KCNQ2: variants seen among roughly 807,000 people sequenced by gnomAD.
The protein encoded by KCNQ2 is potassium voltage-gated channel subfamily Q member 2, also known as potassium voltage-gated channel subfamily KQT member 2.
KCNQ2 carries 14 observed loss-of-function variants against 84.8 expected under a neutral mutation model. That is an observed-to-expected ratio of 0.17 (90% CI 0.11 to 0.26). The LOEUF is 0.26. Ranked by LOEUF, KCNQ2 falls within the 10% of genes least tolerant of loss-of-function variation. The pLI is 1.00. For missense variants in KCNQ2, 788 were observed against 1,254.0 expected, an observed-to-expected ratio of 0.63 and a Z score of 5.61; for synonymous variants, 599 against 554.1, an observed-to-expected ratio of 1.08 and a Z score of -1.14.
chr20:63,438,794 T>TG lies in KCNQ2; in HGVS notation c.928-75dup. The TG allele has an allele frequency of 7.5e-7, 1 of 1,339,430 alleles. No homozygotes were observed. Among genetic ancestry groups the TG allele is most frequent in the Non-Finnish European group, 1.0e-6 (1 of 957,852 alleles). The allele number at this position is 1,339,430 out of a possible 1,614,324, so 83.0% of individuals were successfully genotyped here. A position where few individuals can be genotyped will look rare whatever the true frequency, so the allele number is the denominator to read the frequency against. The stretch of plus-strand genomic sequence containing the variant: ...AATTCATCAGGGTCAGACCATGCTC[T>TG]GGGGCCCCACACCCCCCCCAATTCA... On this transcript the variant is annotated intron_variant, in intron 6 of 16. Transcript: ENST00000359125. The surrounding 1 kb of genome is among the most constrained non-coding windows in gnomAD (Gnocchi z 5.1).
chr20:63,415,570 G>A (rs369424043), intron 12 of KCNQ2, among the ~76,000 whole-genome samples: 3 of 151,934 alleles, frequency 2.0e-5, no homozygotes, highest in Non-Finnish European at 4.4e-5. Context: ...AGGGAGGGGA[G>A]GCTGGGTGGG....
rs527558456 is a variant in KCNQ2 at position 63,446,380 on chromosome 20, C to G, written c.387+367G>C. Among the ~76,000 whole-genome samples the G allele has an allele frequency of 7.2e-5, 11 of 152,336 alleles. No individual in the cohort carries two copies. Among genetic ancestry groups the G allele is most frequent in the Admixed American group, 2.0e-4 (3 of 15,310 alleles). Reference sequence around the variant, plus strand: ...ACAGGGTTGCTGCAAGCGTCACAGCCCCCACCCCGACGCCCACGTCTGCCG... The same window carrying G: ...ACAGGGTTGCTGCAAGCGTCACAGCGCCCACCCCGACGCCCACGTCTGCCG... On this transcript the variant is annotated intron_variant, in intron 2 of 16. Coordinates refer to ENST00000359125, the MANE Select transcript of KCNQ2 (RefSeq NM_172107.4). This position sits in a 1 kb window ranked among gnomAD's most constrained non-coding sequence, Gnocchi z 5.5.
At chr20:63,442,645 AACCATC>A (rs2081201009) in intron 4 of KCNQ2, 114 bp from the exon 5 acceptor site, 1 of 550,058 alleles carries the variant, frequency 1.8e-6, no homozygotes, top group Non-Finnish European at 2.7e-6. Flanking sequence ...CCACCACCAA[AACCATC>A]ACCACCACCA....
chr20:63,408,118 C>G lies in KCNQ2; in HGVS notation c.1887+295G>C. On this transcript the variant is annotated intron_variant, in intron 16 of 16. Coordinates refer to ENST00000359125, the MANE Select transcript of KCNQ2 (RefSeq NM_172107.4). The surrounding 1 kb of genome is among the most constrained non-coding windows in gnomAD (Gnocchi z 5.0). Reference sequence around the variant, plus strand: ...GGCCAGGCAGGTACAACTTCCGGCACGTTCCACAAGGAACCCCTGAGGGAT... The same window carrying G: ...GGCCAGGCAGGTACAACTTCCGGCAGGTTCCACAAGGAACCCCTGAGGGAT... The G allele has an allele frequency of 2.3e-6, 1 of 434,404 alleles. No individual in the cohort carries two copies. The highest frequency in any genetic ancestry group is 2.3e-5 in the South Asian group (1 of 42,924). The allele number at this position is 434,404 out of a possible 1,614,324, so 26.9% of individuals were successfully genotyped here. A position where few individuals can be genotyped will look rare whatever the true frequency, so the allele number is the denominator to read the frequency against.
chr20:63,413,143 C>T (rs1162973384), intron 15 of KCNQ2: 2 of 433,230 alleles, frequency 4.6e-6, no homozygotes, highest in Middle Eastern at 5.0e-4. Flanking sequence ...TACACCTGTG[C>T]AGAAGCATAC....
intron 12 of KCNQ2, 126 bp downstream of exon 12, chr20:63,419,493 G>T: frequency 1.1e-6 from 1 of 917,354 alleles, no homozygotes; most frequent in South Asian, 1.5e-5. Context: ...GCACCGCCAG[G>T]GCGGTGGGTC....
chr20:63,457,865 C>T (rs1363283556), intron 1 of KCNQ2, among the ~76,000 whole-genome samples: 2 of 152,228 alleles, frequency 1.3e-5, no homozygotes, highest in African/African-American at 2.4e-5. Flanking sequence ...GGCAGGAAAC[C>T]CGCTGGCTCA....
intron 1 of KCNQ2, among the ~76,000 whole-genome samples, chr20:63,467,178 G>C (rs578240532): frequency 6.6e-6 from 1 of 151,698 alleles, no homozygotes; most frequent in Non-Finnish European, 1.5e-5. Flanking sequence ...GGCACAGGCT[G>C]CCCCTCCCCT....
chr20:63,445,456 G>A (rs1600789997), intron 2 of KCNQ2, 92 bp from the exon 3 acceptor site: 1 of 1,482,618 alleles, frequency 6.7e-7, no homozygotes, highest in Admixed American at 1.9e-5. Flanking sequence ...CTGGCCCAGG[G>A]ACCAAGCCAC....
At chr20:63,445,745 G>GTCTGAGCTGGGGGA (rs1326742195) in intron 2 of KCNQ2, among the ~76,000 whole-genome samples, 2 of 17,796 alleles carry the variant, frequency 1.1e-4, no homozygotes, top group Admixed American at 4.2e-4. Flanking sequence ...GAGCTGGGAG[G>GTCTGAGCTGGGGGA]CCCTGTCTGA....
At position 63,425,971 on chromosome 20, in the gene KCNQ2, G is replaced by A. The variant is rs935618682; in HGVS notation, c.1218-1765C>T. ...CCGGCCACCACGTTTCCAATCCGGC[G>A]GGGCAAACTCCACGTGGCACAGCTC... On this transcript the variant is annotated intron_variant, in intron 10 of 16. Transcript: ENST00000359125. The surrounding 1 kb of genome is among the most constrained non-coding windows in gnomAD (Gnocchi z 5.5). Among the ~76,000 whole-genome samples the A allele has an allele frequency of 9.2e-5, 14 of 152,182 alleles. No homozygotes were observed. Among genetic ancestry groups the A allele is most frequent in the Non-Finnish European group, 1.3e-4 (9 of 68,020 alleles).
chr20:63,408,392 C>A lies in KCNQ2; in HGVS notation c.1887+21G>T. ...ACCACAGCCCTCCAGCCCCGCACCC[C>A]TCCCGCCCAGCCTCTCGCACCTGCT... On this transcript the variant is annotated intron_variant, in intron 16 of 16. Coordinates refer to ENST00000359125, the MANE Select transcript of KCNQ2 (RefSeq NM_172107.4). The surrounding 1 kb of genome is among the most constrained non-coding windows in gnomAD (Gnocchi z 5.0). 6.2e-7 allele frequency: 1 copy of A among 1,605,064 alleles called. No homozygotes were observed. Among genetic ancestry groups the A allele is most frequent in the South Asian group, 1.1e-5 (1 of 90,776 alleles).
intron 10 of KCNQ2, 34 bp from the exon 11 acceptor site, chr20:63,424,240 C>A: frequency 1.3e-6 from 2 of 1,552,138 alleles, no homozygotes; most frequent in African/African-American, 2.7e-5. Flanking sequence ...TTAGTGGCCG[C>A]CCACTCAGCA....
chr20:63,435,415 A>G (rs868106954), intron 7 of KCNQ2, among the ~76,000 whole-genome samples: 1 of 148,858 alleles, frequency 6.7e-6, no homozygotes, highest in African/African-American at 2.5e-5. Flanking sequence ...AAAGTTGGCC[A>G]TCCTAACGTG....
chr20:63,453,439 G>A (rs2081674877), intron 1 of KCNQ2, among the ~76,000 whole-genome samples: 1 of 152,256 alleles, frequency 6.6e-6, no homozygotes, highest in Non-Finnish European at 1.5e-5. Context: ...TCAATTAACT[G>A]AGCCCTGGGA....
At position 63,448,818 on chromosome 20, in the gene KCNQ2, A is replaced by C. The variant is rs537033648; in HGVS notation, c.297-1981T>G. ...GACCTGCTGGGCCGGGGCACTGGCC[A>C]CAGGCATGGGCATCCTGGGGGGGAG... is the stretch of plus-strand genomic sequence containing the variant. On this transcript the variant is annotated intron_variant, in intron 1 of 16. Transcript: ENST00000359125. Among the ~76,000 whole-genome samples the C allele has an allele frequency of 5.3e-5, 8 of 151,694 alleles. No homozygotes were observed. The South Asian group carries it at 1.7e-3, about 31-fold the overall frequency.
chr20:63,431,454 A>C (rs1600722945), intron 8 of KCNQ2, 85 bp from the exon 9 acceptor site: 12 of 1,419,244 alleles, frequency 8.5e-6, no homozygotes, highest in Non-Finnish European at 1.2e-5. Context: ...TGAAACAAAT[A>C]GTTGAGGAAA....
rs769146180 is a variant in KCNQ2, at chr20:63,433,871, C to A, written c.1056G>T (p.Ser352=). 6.2e-7 allele frequency: 1 copy of A among 1,613,736 alleles called. No individual in the cohort carries two copies. The highest frequency in any genetic ancestry group is 2.2e-5 in the East Asian group (1 of 44,876). Residue 352 remains serine (S), a synonymous_variant, in exon 8 of 17, where the codon TCG becomes TCT. Coordinates refer to ENST00000359125, the MANE Select transcript of KCNQ2 (RefSeq NM_172107.4). ...SAWRFYATNL[S]RTDLHSTWQY... ...GCCACGTGGAGTGCAGGTCTGTGCG[C>A]GAGAGGTTGGTGGCGTAGAATCTCC...
At chr20:63,443,259 C>T (rs1409997227) in intron 4 of KCNQ2, among the ~76,000 whole-genome samples, 3 of 16,678 alleles carry the variant, frequency 1.8e-4, no homozygotes, top group Non-Finnish European at 2.6e-4. Context: ...ATCACCATCG[C>T]CACCATCATC....
Sources: allele counts gnomAD v4.1 joint callset (sites outside exome capture counted in the v4.1 genomes callset), GRCh38; gene constraint gnomAD v4.1.1; non-coding constraint Gnocchi (gnomAD v3.1); transcripts MANE v1.5; gene names NCBI Gene and HGNC (gene_info 2026-07-23, HGNC 2026-07-21).